The following PASD1 variants were observed in gnomAD, a reference collection of about 807,000 sequenced individuals.
PASD1 encodes the protein PAS domain containing repressor 1, also known as circadian clock protein PASD1.
A neutral mutation model predicts 58.8 loss-of-function variants in PASD1; 13 were observed. The observed-to-expected ratio is 0.22, with a 90% confidence interval of 0.14 to 0.35. PASD1 has a LOEUF of 0.35. PASD1 is among the 10% of genes least tolerant of loss of function. The pLI is 1.00. For missense variants in PASD1, 734 were observed against 568.3 expected (o/e 1.29, Z -2.96); for synonymous variants, 236 against 216.7 (o/e 1.09, Z -0.78).
intron 8 of PASD1, among the ~76,000 whole-genome samples, chrX:151,632,055 G>T (rs2013875578): frequency 9.0e-6 from 1 of 111,032 alleles, no homozygotes; most frequent in Non-Finnish European, 1.9e-5. Flanking sequence ...TTACATTCTG[G>T]TGGAGGAGAA....
At position 151,602,038 on chromosome X, in the gene PASD1, G is replaced by C. The variant is rs1461749857; in HGVS notation, c.28+457G>C. On this transcript the variant is annotated intron_variant, in intron 2 of 15. Coordinates refer to ENST00000370357, the MANE Select transcript of PASD1 (RefSeq NM_173493.3). ...GTCAAAAGTTTGCAGTATGATCTGT[G>C]GTATCCAATGGATACATTTGATACA... Among the ~76,000 whole-genome samples the C allele has an allele frequency of 4.5e-5, 5 of 111,903 alleles. No individual in the cohort carries two copies. In the Admixed American group the frequency reaches 4.7e-4, roughly 11 times the overall value.
At chrX:151,622,823 G>T in intron 6 of PASD1, 114 bp from the exon 7 acceptor site, 2 of 844,911 alleles carry the variant, frequency 2.4e-6, no homozygotes, top group South Asian at 3.6e-5. Context: ...CCATGGCTCA[G>T]AATTTTGAAA....
At chrX:151,640,095 C>A (rs949770634) in intron 8 of PASD1, among the ~76,000 whole-genome samples, 52 of 112,007 alleles carry the variant, frequency 4.6e-4, no homozygotes, top group African/African-American at 1.3e-3. Flanking sequence ...TACCATGTTA[C>A]CTTAGAGGGA....
chrX:151,625,536 A>G lies in PASD1; in HGVS notation c.629+6A>G, dbSNP rs1420202542. Reference sequence around the variant, plus strand: ...CCTTTTGTGGGAGAGCTCAGGTGAGAGGTAGTATTGATAAAGCTAATGAAG... The same window carrying G: ...CCTTTTGTGGGAGAGCTCAGGTGAGGGGTAGTATTGATAAAGCTAATGAAG... On this transcript the variant is annotated splice_donor_region_variant and intron_variant, in intron 8 of 15. Coordinates refer to ENST00000370357, the MANE Select transcript of PASD1 (RefSeq NM_173493.3). The G allele has an allele frequency of 8.5e-7, 1 of 1,172,681 alleles. No individual in the cohort carries two copies. Among genetic ancestry groups the G allele is most frequent in the Admixed American group, 2.2e-5 (1 of 44,955 alleles).
intron 1 of PASD1, among the ~76,000 whole-genome samples, chrX:151,599,373 C>T (rs912902676): frequency 8.9e-6 from 1 of 112,792 alleles, no homozygotes; most frequent in African/African-American, 3.2e-5. Context: ...GGCAGAGGGA[C>T]TCCTCACTTC....
intron 3 of PASD1, among the ~76,000 whole-genome samples, chrX:151,605,347 T>A (rs1233580826): frequency 9.0e-6 from 1 of 111,708 alleles, no homozygotes; most frequent in African/African-American, 3.3e-5. Context: ...AAAGTGAACA[T>A]GTGTAAAATA....
In PASD1 at chrX:151,664,301, G is replaced by A; in HGVS notation, c.1024G>A (p.Asp342Asn). 8.3e-7 allele frequency: 1 copy of A among 1,211,763 alleles called. No homozygotes were observed. The highest frequency in any genetic ancestry group is 1.1e-6 in the Non-Finnish European group (1 of 895,532). ...CCAGGCAGGCCTGATGGATCCAGTG[G>A]ATCCAGAGGACTCAGTGGACCTGGG... ...LDQAGLMDPV[D>N]PEDSVDLGAA... Residue 342 changes from aspartate to asparagine, a missense_variant, in exon 11 of 16, where the codon GAT becomes AAT. Transcript: ENST00000370357.
intron 9 of PASD1, 23 bp downstream of exon 9, chrX:151,648,725 A>G (rs1468711403): frequency 2.5e-6 from 3 of 1,199,485 alleles, no homozygotes; most frequent in Non-Finnish European, 1.1e-6. Flanking sequence ...AGGACCATAG[A>G]CTACAATCTT....
Position 151,646,005 on chromosome X carries a change from G to A in PASD1, c.630-2610G>A, listed in dbSNP as rs917262184. On this transcript the variant is annotated intron_variant, in intron 8 of 15. Transcript: ENST00000370357. ...AGCTCACTGCAGCCTTGACCTCCCC[G>A]GCTCAAGTGATCTTCCCACTTCAGC... Among the ~76,000 whole-genome samples, 6 of 110,074 alleles carry A rather than the reference G, an allele frequency of 5.5e-5. No individual in the cohort carries two copies. In the South Asian group the frequency reaches 2.0e-3, roughly 36 times the overall value.
chrX:151,590,416 T>C (rs1426348714), intron 1 of PASD1, among the ~76,000 whole-genome samples: 2 of 111,386 alleles, frequency 1.8e-5, no homozygotes, highest in African/African-American at 6.5e-5. Context: ...TTCTTGCTCC[T>C]CAGCCTGGTT....
In PASD1 at chrX:151,609,216, G is replaced by A. The variant is rs138925658; in HGVS notation, c.118-2448G>A. Among the ~76,000 whole-genome samples, 806 of 111,293 alleles carry A rather than the reference G, an allele frequency of 7.2e-3. 13 individuals carry two copies. Among genetic ancestry groups the A allele is most frequent in the African/African-American group, 0.025 (778 of 30,742 alleles). ...GTGTTGTTTTAGCTGCTTTTCACAG[G>A]TCTCAATAAATAGTGTTTAAAAAAT... On this transcript the variant is annotated intron_variant, in intron 3 of 15. Coordinates refer to ENST00000370357, the MANE Select transcript of PASD1 (RefSeq NM_173493.3).
intron 8 of PASD1, among the ~76,000 whole-genome samples, chrX:151,628,936 T>G (rs907043033): frequency 1.3e-4 from 14 of 111,411 alleles, no homozygotes; most frequent in Non-Finnish European, 2.4e-4. Context: ...CCTAGGTATT[T>G]TATTCTCTTT....
Position 151,674,021 on chromosome X carries a change from T to G in PASD1, c.2010T>G (p.Pro670=). The change falls in exon 15 of 16, where the codon CCT becomes CCG. Residue 670 remains proline, a synonymous_variant. Coordinates refer to ENST00000370357, the MANE Select transcript of PASD1 (RefSeq NM_173493.3). ...NSEAISSSSI[P]QFPITSDSTI... ...AGGCAATTTCTTCTTCCAGCATTCC[T>G]CAGTTTCCCATAACTTCAGACTCAA... 8.3e-7 allele frequency: 1 copy of G among 1,211,546 alleles called. No individual in the cohort carries two copies. The highest frequency in any genetic ancestry group is 1.1e-6 in the Non-Finnish European group (1 of 895,236).
intron 1 of PASD1, among the ~76,000 whole-genome samples, chrX:151,573,272 T>C (rs2012953860): frequency 9.0e-6 from 1 of 111,156 alleles, no homozygotes; most frequent in Non-Finnish European, 1.9e-5. Context: ...CAATTCAACA[T>C]GAGATTTGGA....
intron 1 of PASD1, among the ~76,000 whole-genome samples, chrX:151,577,822 G>A (rs899517444): frequency 1.3e-4 from 15 of 111,752 alleles, no homozygotes; most frequent in African/African-American, 2.0e-4. Flanking sequence ...CACTGCGCCC[G>A]GCCCTGAGAG....
At chrX:151,672,787 C>A in intron 14 of PASD1, 126 bp downstream of exon 14, 1 of 1,062,866 alleles carries the variant, frequency 9.4e-7, no homozygotes, top group Non-Finnish European at 1.2e-6. Context: ...TCATCAATAG[C>A]AACTTGCTCT....
At chrX:151,627,384 T>C (rs1235992628) in intron 8 of PASD1, among the ~76,000 whole-genome samples, 2 of 104,655 alleles carry the variant, frequency 1.9e-5, no homozygotes, top group African/African-American at 7.0e-5. Flanking sequence ...GGCCCCAGTG[T>C]GTGATGTTCC....
rs1168328882 is a variant in PASD1 at position 151,675,994 on chromosome X, C to A, written c.2176-3C>A. ...TCCACCTTGTTTCACTTTTTCCTGG[C>A]AGGTGCAAGTTTCTGAGGTAGGAGT... is the stretch of plus-strand genomic sequence containing the variant. On this transcript the variant is annotated splice_region_variant and splice_polypyrimidine_tract_variant and intron_variant, in intron 15 of 15. Transcript: ENST00000370357. The A allele has an allele frequency of 8.3e-7, 1 of 1,208,838 alleles. No homozygotes were observed. Among genetic ancestry groups the A allele is most frequent in the East Asian group, 3.0e-5 (1 of 33,826 alleles).
intron 4 of PASD1, among the ~76,000 whole-genome samples, chrX:151,619,073 C>T (rs957387157): frequency 9.0e-6 from 1 of 110,897 alleles, no homozygotes; most frequent in Non-Finnish European, 1.9e-5. Context: ...AGAATAGATG[C>T]AGGGAGAGCA....
Sources: gnomAD v4.1 joint callset for allele counts (sites outside exome capture counted in the v4.1 genomes callset) on GRCh38, gnomAD v4.1.1 for gene constraint, MANE v1.5 for transcripts, NCBI Gene and HGNC (gene_info 2026-07-23, HGNC 2026-07-21) for gene names.